The following NAV3 variants were observed in gnomAD, a reference collection of about 807,000 sequenced individuals.
The protein encoded by NAV3 is pore membrane and/or filament interacting like protein 1.
In NAV3, 87 loss-of-function variants were observed where a neutral mutation model predicts 244.7. The observed-to-expected ratio is 0.36, with a 90% CI of 0.30 to 0.42. NAV3 has a LOEUF of 0.42. Ranked by LOEUF, NAV3 falls within the 20% of genes least tolerant of loss-of-function variation. The pLI is 1.00. For missense variants in NAV3, 2,663 were observed against 2,893.3 expected (o/e 0.92, Z 1.83); for synonymous variants, 1,126 against 1,042.2 (o/e 1.08, Z -1.55).
intron 2 of NAV3, among the ~76,000 whole-genome samples, chr12:77,634,476 A>G (rs1872066026): frequency 6.6e-6 from 1 of 152,220 alleles, no homozygotes; most frequent in South Asian, 2.1e-4. Context: ...CAAGGGACCA[A>G]CTGCAGGTTA....
At chr12:78,070,959 AC>A (rs1362168891) in intron 12 of NAV3, among the ~76,000 whole-genome samples, 1 of 145,856 alleles carries the variant, frequency 6.9e-6, no homozygotes, top group East Asian at 2.0e-4. Context: ...TCATTGTTGG[AC>A]ATTTGGGTTG....
intron 5 of NAV3, among the ~76,000 whole-genome samples, chr12:77,977,960 G>A (rs992710272): frequency 5.9e-5 from 9 of 151,652 alleles, no homozygotes; most frequent in South Asian, 2.1e-4. Context: ...CCTTTTTTAC[G>A]GGATTATCCA....
intron 2 of NAV3, among the ~76,000 whole-genome samples, chr12:77,744,292 A>G (rs555023692): frequency 3.9e-5 from 6 of 152,144 alleles, no homozygotes; most frequent in South Asian, 4.1e-4. Flanking sequence ...ATTTTTGACA[A>G]TGATGCCAAG....
chr12:77,714,470 T>C (rs1876269982), intron 2 of NAV3, among the ~76,000 whole-genome samples: 1 of 152,118 alleles, frequency 6.6e-6, no homozygotes, highest in South Asian at 2.1e-4. Flanking sequence ...CTACAGCCCA[T>C]CAAATCTTTT....
At chr12:78,103,998 T>TA (rs2138260675) in intron 12 of NAV3, among the ~76,000 whole-genome samples, 1 of 152,342 alleles carries the variant, frequency 6.6e-6, no homozygotes, top group African/African-American at 2.4e-5. Flanking sequence ...AAGGTGTTTT[T>TA]ATGGAAATCA....
At chr12:77,626,300 A>G (rs1329981035) in intron 2 of NAV3, among the ~76,000 whole-genome samples, 1 of 152,136 alleles carries the variant, frequency 6.6e-6, no homozygotes, top group Non-Finnish European at 1.5e-5. Context: ...GATATATGAC[A>G]TATGGGCCTA....
chr12:78,168,967 T>C lies in NAV3; in HGVS notation c.4981+101T>C. ...ATTTACTCAGTGTCACTGTGCATTA[T>C]TAATACATACTAGTTGTATTAATAG... is the stretch of plus-strand genomic sequence containing the variant. On this transcript the variant is annotated intron_variant, in intron 24 of 39. Coordinates refer to ENST00000397909, the MANE Select transcript of NAV3 (RefSeq NM_001024383.2). 4.3e-6 allele frequency: 3 copies of C among 690,648 alleles called. No homozygotes were observed. The South Asian group carries it at 6.3e-5, about 15-fold the overall frequency. The allele number at this position is 690,648 out of a possible 1,614,324, so 42.8% of individuals were successfully genotyped here.
intron 1 of NAV3, among the ~76,000 whole-genome samples, chr12:77,924,207 G>A (rs1887974964): frequency 6.6e-6 from 1 of 152,086 alleles, no homozygotes; most frequent in South Asian, 2.1e-4. Context: ...TCATTATGTG[G>A]CCTCATTGTT....
At chr12:77,619,881 T>TCACA (rs140525524) in intron 2 of NAV3, among the ~76,000 whole-genome samples, 12 of 149,360 alleles carry the variant, frequency 8.0e-5, no homozygotes, top group Non-Finnish European at 1.3e-4. Context: ...TCTCTCTCTC[T>TCACA]CACACACACA....
chr12:77,910,619 CA>C (rs1208498387), intron 1 of NAV3, among the ~76,000 whole-genome samples: 2 of 152,004 alleles, frequency 1.3e-5, no homozygotes, highest in African/African-American at 4.8e-5. Flanking sequence ...AGTGTCTGAC[CA>C]CCAGAAGCAT....
intron 1 of NAV3, among the ~76,000 whole-genome samples, chr12:77,909,654 A>G (rs925598342): frequency 1.3e-5 from 2 of 152,072 alleles, no homozygotes; most frequent in African/African-American, 4.8e-5. Context: ...ATTGCCCATT[A>G]TCTTATAAGA....
At chr12:77,940,561 C>A in intron 2 of NAV3, 125 bp downstream of exon 2, 1 of 705,762 alleles carries the variant, frequency 1.4e-6, no homozygotes, top group East Asian at 2.6e-5. Context: ...TAGCTCTCCC[C>A]TGATTTAATT....
At chr12:77,877,578 A>G (rs1677920) in intron 1 of NAV3, among the ~76,000 whole-genome samples, 17,430 of 152,216 alleles carry the variant, frequency 0.11, 1,035 homozygotes, top group East Asian at 0.22. Context: ...CTATCTAAAT[A>G]GAAGCAAGAA....
chr12:77,697,378 G>A (rs911379152), intron 2 of NAV3, among the ~76,000 whole-genome samples: 32 of 152,294 alleles, frequency 2.1e-4, no homozygotes, highest in African/African-American at 7.7e-4. Context: ...AAGCACAGAT[G>A]TTAGAGTAAG....
chr12:77,991,229 T>G (rs1283339952), intron 5 of NAV3, among the ~76,000 whole-genome samples: 3 of 152,072 alleles, frequency 2.0e-5, no homozygotes, highest in Admixed American at 6.5e-5. Flanking sequence ...TTTCACCATG[T>G]TGGCCAGGCT....
At chr12:77,940,485 C>G (rs1889764166) in intron 2 of NAV3, 49 bp downstream of exon 2, 5 of 1,458,896 alleles carry the variant, frequency 3.4e-6, no homozygotes, top group East Asian at 2.3e-5. Flanking sequence ...GCTCCCATCT[C>G]TTTGGTAAAG....
chr12:77,976,596 C>T (rs752253441), intron 5 of NAV3, among the ~76,000 whole-genome samples: 72 of 150,608 alleles, frequency 4.8e-4, no homozygotes, highest in Non-Finnish European at 9.6e-4. Context: ...TTTATACATA[C>T]ATTTACTGTC....
At position 77,941,962 on chromosome 12, in the gene NAV3, TA is replaced by T. The variant is rs1171293370; in HGVS notation, c.414+836del. ...CTTAGTTGTCAGAAACTTGGAAGAATAAAAAAATCTATGAACTTTTAAAATA... is the reference window on the plus strand; with the variant it reads ...CTTAGTTGTCAGAAACTTGGAAGAATAAAAAATCTATGAACTTTTAAAATA... On this transcript the variant is annotated intron_variant, in intron 3 of 39. Coordinates refer to ENST00000397909, the MANE Select transcript of NAV3 (RefSeq NM_001024383.2). Among the ~76,000 whole-genome samples, 6 of 152,258 alleles carry T rather than the reference TA, an allele frequency of 3.9e-5. No homozygotes were observed. The East Asian group carries it at 1.2e-3, about 29-fold the overall frequency.
intron 2 of NAV3, among the ~76,000 whole-genome samples, chr12:77,812,907 A>G (rs1273653026): frequency 6.6e-6 from 1 of 151,674 alleles, no homozygotes; most frequent in East Asian, 2.0e-4. Flanking sequence ...GCTCACTGCA[A>G]CCTCTGCCTC....
Sources: gnomAD v4.1 joint callset for allele counts (sites outside exome capture counted in the v4.1 genomes callset) on GRCh38, gnomAD v4.1.1 for gene constraint, MANE v1.5 for transcripts, NCBI Gene and HGNC (gene_info 2026-07-23, HGNC 2026-07-21) for gene names.